GOLGA4: variants seen among roughly 807,000 people sequenced by gnomAD.
The protein encoded by GOLGA4 is golgin A4, also known as golgin subfamily A member 4.
A neutral mutation model predicts 265.9 loss-of-function variants in GOLGA4; 169 were observed. The ratio of observed to expected loss-of-function variants is 0.64; its 90% CI spans 0.56 to 0.72. GOLGA4 has a LOEUF of 0.72. Ranked by LOEUF, GOLGA4 falls within the 30% of genes least tolerant of loss-of-function variation. GOLGA4 has a pLI of 0.00. For synonymous variants in GOLGA4, 923 were observed against 855.8 expected (o/e 1.08, Z -1.37); for missense variants, 2,482 against 2,483.4 (o/e 1.00, Z 0.01).
At chr3:37,291,464 C>T (rs1485591326) in intron 5 of GOLGA4, among the ~76,000 whole-genome samples, 1 of 152,096 alleles carries the variant, frequency 6.6e-6, no homozygotes, top group East Asian at 1.9e-4. Context: ...ATTATAGAAC[C>T]AGCATTCCCT....
chr3:37,267,180 T>C (rs1002113288), intron 2 of GOLGA4, among the ~76,000 whole-genome samples: 12 of 152,230 alleles, frequency 7.9e-5, no homozygotes, highest in Admixed American at 3.9e-4. Flanking sequence ...ATGTAGCTAC[T>C]TCAGTAATGA....
chr3:37,325,838 A>C lies in GOLGA4; in HGVS notation c.3952A>C (p.Thr1318Pro), dbSNP rs1279997606. ...SMKADIESLV[T>P]EKEALQKEGG... ...GAAGGCTGATATTGAAAGTCTTGTA[A>C]CAGAAAAAGAAGCCTTACAGAAGGA... Residue 1318 changes from threonine to proline, a missense_variant, in exon 14 of 24, where the codon ACA becomes CCA. By Grantham distance (38) the Thr-to-Pro change is conservative (BLOSUM62 -1). Around this residue, in one of 3 missense-constraint regions of GOLGA4, gnomAD observed 1,536 missense variants for 1,483.7 expected, o/e 1.04. Coordinates refer to ENST00000361924, the MANE Select transcript of GOLGA4 (RefSeq NM_002078.5). The C allele has an allele frequency of 6.2e-7, 1 of 1,613,460 alleles. No homozygotes were observed. The highest frequency in any genetic ancestry group is 1.7e-5 in the Admixed American group (1 of 59,974).
At chr3:37,344,717 T>C (rs1472309190) in intron 20 of GOLGA4, among the ~76,000 whole-genome samples, 3 of 152,182 alleles carry the variant, frequency 2.0e-5, no homozygotes, top group Non-Finnish European at 2.9e-5. Flanking sequence ...AAGAATTGTT[T>C]ATTCTTAACT....
Position 37,350,470 on chromosome 3 carries a change from G to A in GOLGA4, c.6576+3174G>A, listed in dbSNP as rs573094222. Among the ~76,000 whole-genome samples the A allele has an allele frequency of 1.1e-4, 16 of 152,168 alleles. No homozygotes were observed. In the South Asian group the frequency reaches 3.3e-3, roughly 32 times the overall value. On this transcript the variant is annotated intron_variant, in intron 21 of 23. Transcript: ENST00000361924. ...GGTACTTGGAGCTTTATGTGGTGTTGATATTAGAGAAATGCTTCCTATAAT... is the reference window on the plus strand; with the variant it reads ...GGTACTTGGAGCTTTATGTGGTGTTAATATTAGAGAAATGCTTCCTATAAT...
intron 16 of GOLGA4, 181 bp downstream of exon 16, chr3:37,329,274 A>G (rs1366859285): frequency 3.5e-5 from 16 of 460,150 alleles, no homozygotes; most frequent in Non-Finnish European, 1.1e-5. Flanking sequence ...GATTTCTGCC[A>G]GGATTGTAGT....
intron 17 of GOLGA4, among the ~76,000 whole-genome samples, chr3:37,335,558 C>G (rs925594153): frequency 1.3e-5 from 2 of 152,106 alleles, no homozygotes; most frequent in Non-Finnish European, 2.9e-5. Flanking sequence ...GCTAAAAATT[C>G]ACGTTAATTT....
intron 2 of GOLGA4, among the ~76,000 whole-genome samples, chr3:37,254,217 A>G (rs2096741914): frequency 6.6e-6 from 1 of 152,200 alleles, no homozygotes; most frequent in South Asian, 2.1e-4. Context: ...ACTGAGTTCA[A>G]CAATATTGTA....
chr3:37,299,125 C>G, intron 8 of GOLGA4, 105 bp downstream of exon 8: 1 of 1,072,368 alleles, frequency 9.3e-7, no homozygotes, highest in South Asian at 1.6e-5. Flanking sequence ...ATGGAAAGGG[C>G]ATTTTTGTTT....
chr3:37,345,567 T>A (rs1367926016), intron 20 of GOLGA4, among the ~76,000 whole-genome samples: 1 of 152,206 alleles, frequency 6.6e-6, no homozygotes, highest in Non-Finnish European at 1.5e-5. Flanking sequence ...ATAGCTAATT[T>A]CCTCGCATAA....
chr3:37,307,322 G>A (rs1372026560), intron 10 of GOLGA4, among the ~76,000 whole-genome samples: 3 of 152,160 alleles, frequency 2.0e-5, no homozygotes, highest in Non-Finnish European at 4.4e-5. Flanking sequence ...TTTATTTGAT[G>A]TTTGAAGGAC....
intron 21 of GOLGA4, among the ~76,000 whole-genome samples, chr3:37,353,394 G>C (rs570528765): frequency 6.6e-6 from 1 of 152,050 alleles, no homozygotes; most frequent in Non-Finnish European, 1.5e-5. Flanking sequence ...AAAGTGAAGC[G>C]CAATAGAATG....
At chr3:37,299,052 AATC>A in intron 8 of GOLGA4, 32 bp downstream of exon 8, 2 of 1,512,554 alleles carry the variant, frequency 1.3e-6, no homozygotes, top group Non-Finnish European at 1.8e-6. Context: ...GTTCTAATTT[AATC>A]TATAAAGTTA....
chr3:37,250,760 T>A (rs2096731544), intron 1 of GOLGA4, among the ~76,000 whole-genome samples: 1 of 152,118 alleles, frequency 6.6e-6, no homozygotes, highest in Admixed American at 6.5e-5. Context: ...AGTTTAAATT[T>A]TGAGCCCTTT....
Position 37,243,642 on chromosome 3 carries a change from C to T in GOLGA4, c.72+20C>T, listed in dbSNP as rs1271734243. 1.7e-5 allele frequency: 28 copies of T among 1,602,652 alleles called. No homozygotes were observed. The highest frequency in any genetic ancestry group is 1.7e-4 in the Middle Eastern group (1 of 5,932). On this transcript the variant is annotated intron_variant, in intron 1 of 23. Coordinates refer to ENST00000361924, the MANE Select transcript of GOLGA4 (RefSeq NM_002078.5). Reference sequence around the variant, plus strand: ...GCTCAGGTACGATGGCCGCCGCTCTCCTCCCCTGGTTCCGAATACCTCTTG... The same window carrying T: ...GCTCAGGTACGATGGCCGCCGCTCTTCTCCCCTGGTTCCGAATACCTCTTG...
chr3:37,244,083 C>T (rs2096711448), intron 1 of GOLGA4: 1 of 156,698 alleles, frequency 6.4e-6, no homozygotes, highest in Non-Finnish European at 1.4e-5. Flanking sequence ...GGCCAGGATC[C>T]CGCACAATTG....
Position 37,282,237 on chromosome 3 carries a change from C to A in GOLGA4, c.442C>A (p.Arg148=), listed in dbSNP as rs775421253. Residue 148 remains arginine (R), a synonymous_variant, in exon 3 of 24, where the codon CGA becomes AGA. Transcript: ENST00000361924. ...GATTCAGCGGTTGCGAAGAATGGAACGAAGCTTAAGTAGCTACAGGGGAAA... is the reference window on the plus strand; with the variant it reads ...GATTCAGCGGTTGCGAAGAATGGAAAGAAGCTTAAGTAGCTACAGGGGAAA... ...QLIQRLRRME[R]SLSSYRGKYS... 6.2e-7 allele frequency: 1 copy of A among 1,614,094 alleles called. No homozygotes were observed. The highest frequency in any genetic ancestry group is 8.5e-7 in the Non-Finnish European group (1 of 1,179,978).
chr3:37,293,816 T>C (rs2096871072), intron 5 of GOLGA4, among the ~76,000 whole-genome samples: 1 of 152,150 alleles, frequency 6.6e-6, no homozygotes, highest in Non-Finnish European at 1.5e-5. Context: ...AATACCAGAG[T>C]GTTCTTTCAG....
intron 9 of GOLGA4, among the ~76,000 whole-genome samples, chr3:37,300,641 T>G (rs2096890215): frequency 6.6e-6 from 1 of 152,206 alleles, no homozygotes; most frequent in African/African-American, 2.4e-5. Flanking sequence ...ATTGTCCTAC[T>G]CACCCAGAAT....
At chr3:37,323,088 A>G (rs949338745) in intron 13 of GOLGA4, among the ~76,000 whole-genome samples, 3 of 150,718 alleles carry the variant, frequency 2.0e-5, no homozygotes, top group Admixed American at 2.0e-4. Flanking sequence ...GAGTTGGGTT[A>G]AACATGTAAT....
Sources: gnomAD v4.1 joint callset for allele counts (sites outside exome capture counted in the v4.1 genomes callset) on GRCh38, gnomAD v4.1.1 for gene constraint, gnomAD v4.1.1 regional missense constraint, MANE v1.5 for transcripts, NCBI Gene and HGNC (gene_info 2026-07-23, HGNC 2026-07-21) for gene names.